DGKG: variants seen among roughly 807,000 people sequenced by gnomAD.
DGKG encodes the protein DAG kinase gamma.
Under a neutral mutation model 105.3 loss-of-function variants are expected in DGKG, and 78 were observed. The ratio of observed to expected loss-of-function variants is 0.74; its 90% CI spans 0.62 to 0.89. The LOEUF is 0.89. Ranked by LOEUF, DGKG falls within the 40% of genes least tolerant of loss-of-function variation. The pLI is 0.00. For synonymous variants in DGKG, 346 were observed against 367.1 expected, an observed-to-expected ratio of 0.94 and a Z score of 0.66; for missense variants, 958 against 1,020.1, an observed-to-expected ratio of 0.94 and a Z score of 0.83.
Position 186,251,938 on chromosome 3 carries a change from C to A in DGKG, c.1601-19G>T. 1.3e-6 allele frequency: 2 copies of A among 1,530,392 alleles called. No individual in the cohort carries two copies. Among genetic ancestry groups the A allele is most frequent in the Non-Finnish European group, 1.8e-6 (2 of 1,137,338 alleles). 94.8% of individuals were successfully genotyped at this position (1,530,392 alleles called of 1,614,324 possible). A position where few individuals can be genotyped will look rare whatever the true frequency, so the allele number is the denominator to read the frequency against. ...TCATAACCTGTGGAGGACAGCACTG[C>A]ATTTGCCACCACAGCAGAAAGGCTG... On this transcript the variant is annotated intron_variant, in intron 18 of 24. Transcript: ENST00000265022.
intron 21 of DGKG, among the ~76,000 whole-genome samples, chr3:186,193,781 C>G (rs531993710): frequency 6.6e-6 from 1 of 152,234 alleles, no homozygotes; most frequent in Non-Finnish European, 1.5e-5. Context: ...TCATCGGGCC[C>G]CCTCCCCCTG....
intron 24 of DGKG, among the ~76,000 whole-genome samples, chr3:186,152,667 C>CT (rs1345176109): frequency 4.0e-5 from 6 of 151,838 alleles, no homozygotes; most frequent in African/African-American, 7.3e-5. Context: ...CCCTCCCCCA[C>CT]ATTTTTTTAT....
chr3:186,286,075 G>T (rs1723056891), intron 6 of DGKG, among the ~76,000 whole-genome samples: 1 of 152,180 alleles, frequency 6.6e-6, no homozygotes, highest in African/African-American at 2.4e-5. Flanking sequence ...GCACGTACCA[G>T]CCTGGTCCCC....
Position 186,160,668 on chromosome 3 carries a change from G to C in DGKG, c.2277+935C>G, listed in dbSNP as rs1390993285. The C allele has an allele frequency of 7.1e-6, 7 of 985,312 alleles. 1 individual carries two copies. Among genetic ancestry groups the C allele is most frequent in the Non-Finnish European group, 8.4e-6 (7 of 829,958 alleles). 61.0% of individuals were successfully genotyped at this position (985,312 alleles called of 1,614,324 possible). A position where few individuals can be genotyped will look rare whatever the true frequency, so the allele number is the denominator to read the frequency against. On this transcript the variant is annotated intron_variant, in intron 24 of 24. Transcript: ENST00000265022. The stretch of plus-strand genomic sequence containing the variant: ...ATCAAAGTATCTGAATACTCCACTA[G>C]AGTGAGGAAGCTTAGAAACTCCACT...
At chr3:186,323,317 T>C (rs1458431297) in intron 1 of DGKG, among the ~76,000 whole-genome samples, 4 of 152,250 alleles carry the variant, frequency 2.6e-5, no homozygotes. Context: ...CTGCTGCTGC[T>C]ATCAATGAAT....
intron 1 of DGKG, among the ~76,000 whole-genome samples, chr3:186,321,031 G>C (rs1725050842): frequency 6.6e-6 from 1 of 152,236 alleles, no homozygotes; most frequent in African/African-American, 2.4e-5. Context: ...TGCTTCATGA[G>C]TAATTACAGG....
chr3:186,242,938 G>C (rs1340447310), intron 19 of DGKG, among the ~76,000 whole-genome samples: 2 of 152,130 alleles, frequency 1.3e-5, no homozygotes, highest in South Asian at 4.1e-4. Flanking sequence ...GTCTGGGGCT[G>C]AGCATGAGTC....
intron 1 of DGKG, among the ~76,000 whole-genome samples, chr3:186,330,592 A>G (rs941671855): frequency 1.3e-5 from 2 of 152,226 alleles, no homozygotes; most frequent in Non-Finnish European, 2.9e-5. Flanking sequence ...GAGAGATCAC[A>G]TAGAGACCAC....
In DGKG at chr3:186,209,090, C is replaced by T. The variant is rs868862018; in HGVS notation, c.1917+2705G>A. Among the ~76,000 whole-genome samples, 601 of 99,522 alleles carry T rather than the reference C, an allele frequency of 6.0e-3. 12 individuals are homozygous for T. The highest frequency in any genetic ancestry group is 0.023 in the African/African-American group (561 of 24,044). 65.3% of individuals were successfully genotyped at this position (99,522 alleles called of 152,430 possible). ...GACTTTTCTCTCCCTTCAGTTTACT[C>T]TTCTTTTTTTTTTTTTTTTTTTTTT... On this transcript the variant is annotated intron_variant, in intron 21 of 24. Transcript: ENST00000265022.
intron 12 of DGKG, among the ~76,000 whole-genome samples, chr3:186,268,014 C>T (rs375435613): frequency 3.3e-5 from 5 of 152,042 alleles, no homozygotes; most frequent in African/African-American, 9.7e-5. Context: ...GCTACTGAAG[C>T]GACACAGTCA....
Position 186,149,019 on chromosome 3 carries a change from C to T in DGKG, c.*1071G>A, listed in dbSNP as rs1715632330. Reference sequence around the variant, plus strand: ...ATATATATATACACGCACACACACACACACACGCGCGCACACACGTTAAGA... The same window carrying T: ...ATATATATATACACGCACACACACATACACACGCGCGCACACACGTTAAGA... On this transcript the variant is annotated 3_prime_UTR_variant, in exon 25 of 25. Coordinates refer to ENST00000265022, the MANE Select transcript of DGKG (RefSeq NM_001346.3). 7.2e-6 allele frequency: 7 copies of T among 978,086 alleles called. No individual in the cohort carries two copies. Among genetic ancestry groups the T allele is most frequent in the Non-Finnish European group, 8.5e-6 (7 of 825,642 alleles). 60.6% of individuals were successfully genotyped at this position (978,086 alleles called of 1,614,324 possible).
intron 2 of DGKG, among the ~76,000 whole-genome samples, chr3:186,312,498 T>C (rs1724601777): frequency 6.6e-6 from 1 of 152,154 alleles, no homozygotes; most frequent in African/African-American, 2.4e-5. Flanking sequence ...TGGGGCTGAC[T>C]GCTGAGGCTT....
intron 3 of DGKG, among the ~76,000 whole-genome samples, chr3:186,304,146 A>C (rs1724111579): frequency 6.6e-6 from 1 of 152,220 alleles, no homozygotes; most frequent in Non-Finnish European, 1.5e-5. Flanking sequence ...CCACACCTGC[A>C]GTGGCCCTGA....
At chr3:186,252,053 GACACTTACGT>G in intron 18 of DGKG, 134 bp from the exon 19 acceptor site, 1 of 782,330 alleles carries the variant, frequency 1.3e-6, no homozygotes, top group Non-Finnish European at 1.9e-6. Context: ...GTGGGCTAGA[GACACTTACGT>G]TCCCCGAGCC....
chr3:186,309,233 G>C (rs1001688647), intron 2 of DGKG, among the ~76,000 whole-genome samples: 2 of 151,950 alleles, frequency 1.3e-5, no homozygotes, highest in Non-Finnish European at 2.9e-5. Context: ...ATTGGGTAAG[G>C]TTTATAAAGG....
rs555107263 is a variant in DGKG at position 186,177,536 on chromosome 3, T to C, written c.2095+10666A>G. Among the ~76,000 whole-genome samples the C allele has an allele frequency of 8.5e-5, 13 of 152,354 alleles. No homozygotes were observed. In the South Asian group the frequency reaches 2.5e-3, roughly 29 times the overall value. Reference sequence around the variant, plus strand: ...TTATAAACTCATCTCTTCCACTCCATGGTGCTTGCTCATTATGCCAATATT... The same window carrying C: ...TTATAAACTCATCTCTTCCACTCCACGGTGCTTGCTCATTATGCCAATATT... On this transcript the variant is annotated intron_variant, in intron 22 of 24. Coordinates refer to ENST00000265022, the MANE Select transcript of DGKG (RefSeq NM_001346.3).
At chr3:186,287,206 T>C (rs1232549434) in intron 6 of DGKG, among the ~76,000 whole-genome samples, 1 of 152,168 alleles carries the variant, frequency 6.6e-6, no homozygotes, top group East Asian at 1.9e-4. Flanking sequence ...TGGAAAAATG[T>C]GAATACTGAC....
intron 16 of DGKG, among the ~76,000 whole-genome samples, chr3:186,259,812 C>CAGAGA (rs1721671604): frequency 2.0e-5 from 3 of 152,290 alleles, no homozygotes; most frequent in African/African-American, 7.2e-5. Context: ...CTGCAGCTCA[C>CAGAGA]CATTAGCCGC....
At chr3:186,259,374 C>A (rs760509595) in intron 16 of DGKG, among the ~76,000 whole-genome samples, 1 of 152,214 alleles carries the variant, frequency 6.6e-6, no homozygotes, top group Non-Finnish European at 1.5e-5. Flanking sequence ...ATGGCAATCA[C>A]GGTGACTGTG....
Sources: allele counts gnomAD v4.1 joint callset (sites outside exome capture counted in the v4.1 genomes callset), GRCh38; gene constraint gnomAD v4.1.1; transcripts MANE v1.5; gene names NCBI Gene and HGNC (gene_info 2026-07-23, HGNC 2026-07-21).